Variants in CPEB2 observed in about 807,000 individuals in gnomAD.
CPEB2 encodes cytoplasmic polyadenylation element binding protein 2.
A neutral mutation model predicts 93.6 loss-of-function variants in CPEB2; 56 were observed. The ratio of observed to expected loss-of-function variants is 0.60; its 90% confidence interval spans 0.48 to 0.75. CPEB2 has a LOEUF of 0.75. Among genes scored for constraint, CPEB2 ranks in the 30% least tolerant of loss-of-function variants. The pLI, the probability that CPEB2 is intolerant of heterozygous loss-of-function variation, is 0.00. For missense variants in CPEB2, 1,579 were observed against 1,395.1 expected, an observed-to-expected ratio of 1.13 and a Z score of -2.10; for synonymous variants, 764 against 586.3, an observed-to-expected ratio of 1.30 and a Z score of -4.38.
intron 8 of CPEB2, among the ~76,000 whole-genome samples, chr4:15,055,635 C>T (rs1728642409): frequency 6.6e-6 from 1 of 152,184 alleles, no homozygotes; most frequent in Non-Finnish European, 1.5e-5. Context: ...TCTTTGAAAA[C>T]TCATTGGATG....
At chr4:15,014,197 G>A (rs998408857) in intron 3 of CPEB2, among the ~76,000 whole-genome samples, 4 of 152,000 alleles carry the variant, frequency 2.6e-5, no homozygotes, top group African/African-American at 9.7e-5. Flanking sequence ...TGATTTAATA[G>A]TTACCATTAA....
rs1722253284 is a variant in CPEB2 at position 15,003,338 on chromosome 4, C to T, written c.665C>T (p.Ala222Val). 12 of 1,400,248 alleles carry T rather than the reference C, an allele frequency of 8.6e-6. No homozygotes were observed. Among genetic ancestry groups the T allele is most frequent in the Admixed American group, 3.6e-5 (1 of 27,540 alleles). The allele number at this position is 1,400,248 out of a possible 1,614,324, so 86.7% of individuals were successfully genotyped here. A position where few individuals can be genotyped will look rare whatever the true frequency, so the allele number is the denominator to read the frequency against. ...PPPAGPLLQP[A>V]QLAQRQQQQP... ...CCAGCCGGCCCGCTCCTCCAGCCGGCGCAGCTCGCTCAGCGCCAGCAGCAA... is the reference window on the plus strand; with the variant it reads ...CCAGCCGGCCCGCTCCTCCAGCCGGTGCAGCTCGCTCAGCGCCAGCAGCAA... Residue 222 changes from alanine to valine, a missense_variant, in exon 1 of 12, where the codon GCG (alanine) becomes GTG (valine). Ala to Val is a moderately conservative substitution (Grantham distance 64, BLOSUM62 0). Around this residue, in one of 2 missense-constraint regions of CPEB2, gnomAD observed 1,411 missense variants for 1,056.0 expected, o/e 1.34. Transcript: ENST00000538197.
At chr4:15,006,084 A>G (rs1028071460) in intron 1 of CPEB2, among the ~76,000 whole-genome samples, 1 of 152,212 alleles carries the variant, frequency 6.6e-6, no homozygotes, top group Non-Finnish European at 1.5e-5. Context: ...TCACTGGAAG[A>G]TAACTTTGAG....
At chr4:15,033,429 A>G (rs1326151695) in intron 5 of CPEB2, among the ~76,000 whole-genome samples, 2 of 152,192 alleles carry the variant, frequency 1.3e-5, no homozygotes, top group East Asian at 3.8e-4. Context: ...TTCAGTGATC[A>G]CGGACTTGGA....
intron 3 of CPEB2, 47 bp from the exon 4 acceptor site, chr4:15,017,141 G>A: frequency 9.1e-7 from 1 of 1,103,414 alleles, no homozygotes; most frequent in South Asian, 1.3e-5. Flanking sequence ...ATCGCTTTTT[G>A]AAAAAACTGC....
At chr4:15,059,657 A>G (rs1265534487) in intron 10 of CPEB2, among the ~76,000 whole-genome samples, 1 of 146,406 alleles carries the variant, frequency 6.8e-6, no homozygotes, top group Non-Finnish European at 1.5e-5. Context: ...TCTGAAAAAG[A>G]AATATGGGAT....
At position 15,003,284 on chromosome 4, in the gene CPEB2, G is replaced by A; in HGVS notation, c.611G>A (p.Cys204Tyr). The change falls in exon 1 of 12, where the codon TGC (cysteine) becomes TAC (tyrosine). Residue 204 changes from cysteine (C) to tyrosine (Y), a missense_variant. Cys to Tyr is a radical substitution (Grantham distance 194). Coordinates refer to ENST00000538197, the MANE Select transcript of CPEB2 (RefSeq NM_001177382.2). Reference protein sequence around the residue: ...KPPPPPPPLHCPGRFSPPPPP... With the variant: ...KPPPPPPPLHYPGRFSPPPPP... ...CCGCCGCCGCCTCCGCCGCTCCACTGCCCCGGTCGGTTCAGCCCGCCGCCG... is the reference window on the plus strand; with the variant it reads ...CCGCCGCCGCCTCCGCCGCTCCACTACCCCGGTCGGTTCAGCCCGCCGCCG... The A allele has an allele frequency of 6.6e-7, 1 of 1,512,128 alleles. No homozygotes were observed. The allele number at this position is 1,512,128 out of a possible 1,614,324, so 93.7% of individuals were successfully genotyped here. A position where few individuals can be genotyped will look rare whatever the true frequency, so the allele number is the denominator to read the frequency against.
At chr4:15,059,069 A>G (rs1425625578) in intron 9 of CPEB2, 118 bp from the exon 10 acceptor site, 2 of 538,804 alleles carry the variant, frequency 3.7e-6, no homozygotes, top group Non-Finnish European at 6.6e-6. Flanking sequence ...TTGTTTCCAG[A>G]TCCCACTATA....
At chr4:15,050,485 A>G (rs1024624080) in intron 6 of CPEB2, among the ~76,000 whole-genome samples, 1 of 152,164 alleles carries the variant, frequency 6.6e-6, no homozygotes. Context: ...CCATATTCTT[A>G]CTGTTTTTCC....
chr4:15,058,634 AC>A (rs1418687625), intron 9 of CPEB2, 95 bp downstream of exon 9: 4 of 739,016 alleles, frequency 5.4e-6, no homozygotes, highest in Non-Finnish European at 9.4e-6. Flanking sequence ...CAATTAAACT[AC>A]CATGTTGAGT....
chr4:15,060,202 C>T (rs1729062305), intron 10 of CPEB2, among the ~76,000 whole-genome samples: 2 of 151,878 alleles, frequency 1.3e-5, no homozygotes, highest in African/African-American at 4.8e-5. Context: ...CTGAAAGAAG[C>T]CCAAAGTGCC....
At chr4:15,046,762 G>A (rs144418132) in intron 6 of CPEB2, among the ~76,000 whole-genome samples, 123 of 152,064 alleles carry the variant, frequency 8.1e-4, no homozygotes, top group Admixed American at 1.3e-3. Context: ...TTCCAGTAGC[G>A]TATTGCTTGC....
At position 15,004,137 on chromosome 4, in the gene CPEB2, C is replaced by A; in HGVS notation, c.1464C>A (p.Phe488Leu). The change falls in exon 1 of 12, where the codon TTC (phenylalanine) becomes TTA (leucine). Residue 488 changes from phenylalanine to leucine, a missense_variant. Physicochemically the swap from Phe to Leu is conservative, Grantham distance 22 (BLOSUM62 0). Coordinates refer to ENST00000538197, the MANE Select transcript of CPEB2 (RefSeq NM_001177382.2). ...CGAGCGGCGGCGGCGGCGGCGGCTT[C>A]GGCGGCCCCTTCTCGGCTACCGCTG... is the stretch of plus-strand genomic sequence containing the variant. ...VPTSGGGGGGFGGPFSATAVP... is the reference protein window; with the variant it reads ...VPTSGGGGGGLGGPFSATAVP... 1 of 620,546 alleles carries A rather than the reference C, an allele frequency of 1.6e-6. No individual in the cohort carries two copies. Among genetic ancestry groups the A allele is most frequent in the South Asian group, 1.6e-5 (1 of 64,114 alleles). The allele number at this position is 620,546 out of a possible 1,614,324, so 38.4% of individuals were successfully genotyped here.
chr4:15,023,334 TTTG>T (rs987162840), intron 4 of CPEB2, among the ~76,000 whole-genome samples: 3 of 151,998 alleles, frequency 2.0e-5, no homozygotes, highest in Non-Finnish European at 4.4e-5. Flanking sequence ...AAGAATTTCT[TTTG>T]AAGGTTTTTT....
At position 15,002,638 on chromosome 4, in the gene CPEB2, G is replaced by C; in HGVS notation, c.-36G>C. On this transcript the variant is annotated 5_prime_UTR_variant, in exon 1 of 12. Coordinates refer to ENST00000538197, the MANE Select transcript of CPEB2 (RefSeq NM_001177382.2). ...CGGCTTCCTAGGTGGGGCAGGGGACGAGGAGCGTCTCCTCCCGCTGCCGGC... is the reference window on the plus strand; with the variant it reads ...CGGCTTCCTAGGTGGGGCAGGGGACCAGGAGCGTCTCCTCCCGCTGCCGGC... 1 of 1,463,962 alleles carries C rather than the reference G, an allele frequency of 6.8e-7. No individual in the cohort carries two copies. The highest frequency in any genetic ancestry group is 9.0e-7 in the Non-Finnish European group (1 of 1,106,674). 90.7% of individuals were successfully genotyped at this position (1,463,962 alleles called of 1,614,324 possible).
chr4:15,005,084 T>A (rs1722627749), intron 1 of CPEB2: 1 of 151,874 alleles, frequency 6.6e-6, no homozygotes, highest in South Asian at 2.1e-4. Flanking sequence ...CAGGAGGGAG[T>A]CGGGAGGGAG....
Position 15,004,130 on chromosome 4 carries a change from G to GGGGGGGGGGGGGGGCCCCCC in CPEB2, c.1457_1458insGGGGGGGGGGGGGGCCCCCC (p.Phe488GlyfsTer25). The stretch of plus-strand genomic sequence containing the variant: ...GTTCCGACGAGCGGCGGCGGCGGCG[G>GGGGGGGGGGGGGGGCCCCCC]CGGCTTCGGCGGCCCCTTCTCGGCT... On this transcript the variant is annotated frameshift_variant, in exon 1 of 12. Transcript: ENST00000538197. LOFTEE classifies it high-confidence loss of function. The GGGGGGGGGGGGGGGCCCCCC allele has an allele frequency of 6.6e-7, 1 of 1,516,778 alleles. No individual in the cohort carries two copies. Among genetic ancestry groups the GGGGGGGGGGGGGGGCCCCCC allele is most frequent in the Non-Finnish European group, 8.8e-7 (1 of 1,136,770 alleles). The allele number at this position is 1,516,778 out of a possible 1,614,324, so 94.0% of individuals were successfully genotyped here. A position where few individuals can be genotyped will look rare whatever the true frequency, so the allele number is the denominator to read the frequency against.
At position 15,007,441 on chromosome 4, in the gene CPEB2, T is replaced by C; in HGVS notation, c.1799T>C (p.Ile600Thr). The change falls in exon 2 of 12, where the codon ATA becomes ACA. Residue 600 changes from isoleucine (I) to threonine (T), a missense_variant. Ile to Thr is a moderately conservative substitution (Grantham distance 89, BLOSUM62 -1). Transcript: ENST00000538197. The stretch of plus-strand genomic sequence containing the variant: ...GGAATCCCAGGAACTATGAATCAGA[T>C]ATCTCCATTGAAGAAACCGTTTTCT... The part of the protein sequence containing the change: ...NMGIPGTMNQ[I>T]SPLKKPFSGN... 1.2e-6 allele frequency: 2 copies of C among 1,614,150 alleles called. No individual in the cohort carries two copies. The highest frequency in any genetic ancestry group is 1.7e-6 in the Non-Finnish European group (2 of 1,180,006).
At chr4:15,048,844 A>G (rs76912737) in intron 6 of CPEB2, among the ~76,000 whole-genome samples, 1 of 152,190 alleles carries the variant, frequency 6.6e-6, no homozygotes, top group African/African-American at 2.4e-5. Flanking sequence ...TTTAAAGTAT[A>G]CTACAGTGGT....
Sources: gnomAD v4.1 joint callset for allele counts (sites outside exome capture counted in the v4.1 genomes callset) on GRCh38, gnomAD v4.1.1 for gene constraint, gnomAD v4.1.1 regional missense constraint, MANE v1.5 for transcripts, NCBI Gene and HGNC (gene_info 2026-07-23, HGNC 2026-07-21) for gene names.